DAB1: variants seen among roughly 807,000 people sequenced by gnomAD.
DAB1 encodes DAB adaptor protein 1, also known as disabled homolog 1.
Under a neutral mutation model 64.6 loss-of-function variants are expected in DAB1, and 15 were observed. That is an observed-to-expected ratio of 0.23 (90% CI 0.16 to 0.36). The LOEUF is 0.36. DAB1 is among the 10% of genes least tolerant of loss of function. The probability of loss-of-function intolerance (pLI) is 1.00; values close to 1 mark genes in which losing one functional copy is unlikely to be tolerated. For synonymous variants in DAB1, 235 were observed against 251.9 expected (o/e 0.93, Z 0.64); for missense variants, 596 against 706.7 (o/e 0.84, Z 1.78).
Position 57,949,507 on chromosome 1 carries a change from CTATA to C in DAB1, n.388-65349_388-65346del, listed in dbSNP as rs879284184. ...TCTATCTATCTATCTATCTATCTATCTATATCTGTCTGTCTGTCTGTCTGTCTAT... is the reference window on the plus strand; with the variant it reads ...TCTATCTATCTATCTATCTATCTATCTCTGTCTGTCTGTCTGTCTGTCTAT... On this transcript the variant is annotated intron_variant and non_coding_transcript_variant, in intron 5 of 20. Coordinates refer to the DAB1 transcript ENST00000485760. 3.5e-3 allele frequency among the ~76,000 whole-genome samples: 494 copies of C among 141,596 alleles called. 12 individuals are homozygous for C. The highest frequency in any genetic ancestry group is 0.033 in the Admixed American group (460 of 14,002). 92.9% of individuals were successfully genotyped at this position (141,596 alleles called of 152,430 possible). A position where few individuals can be genotyped will look rare whatever the true frequency, so the allele number is the denominator to read the frequency against.
chr1:57,379,264 A>G (rs1360288946), intron 1 of DAB1, among the ~76,000 whole-genome samples: 1 of 152,150 alleles, frequency 6.6e-6, no homozygotes, highest in Non-Finnish European at 1.5e-5. Context: ...AAACAAACAA[A>G]TACATTCTTA....
At chr1:58,356,585 C>T (rs1203371083) in intron 3 of DAB1, among the ~76,000 whole-genome samples, 1 of 152,044 alleles carries the variant, frequency 6.6e-6, no homozygotes, top group East Asian at 1.9e-4. Flanking sequence ...GAGCCCATTC[C>T]AGTCAGCAGA....
chr1:57,580,023 G>C (rs1450143294), intron 7 of DAB1, among the ~76,000 whole-genome samples: 1 of 152,092 alleles, frequency 6.6e-6, no homozygotes, highest in Non-Finnish European at 1.5e-5. Context: ...AAAGGGCAAG[G>C]CAGGGCACAC....
chr1:58,239,122 C>G (rs1001118307), intron 4 of DAB1, among the ~76,000 whole-genome samples: 1 of 152,116 alleles, frequency 6.6e-6, no homozygotes, highest in African/African-American at 2.4e-5. Flanking sequence ...TTAATAAATC[C>G]CTTTCAGCTT....
chr1:57,754,627 T>C (rs1569580857), intron 6 of DAB1, among the ~76,000 whole-genome samples: 1 of 142,382 alleles, frequency 7.0e-6, no homozygotes, highest in Non-Finnish European at 1.5e-5. Context: ...GAGGCGGAGG[T>C]TGCAGTGAGC....
intron 3 of DAB1, chr1:58,473,891 T>G (rs987899585): frequency 1.1e-6 from 1 of 869,816 alleles, no homozygotes; most frequent in African/African-American, 1.7e-5. Flanking sequence ...GACAGATTTC[T>G]GTGTTCTGGA....
intron 7 of DAB1, among the ~76,000 whole-genome samples, chr1:57,613,827 G>A (rs1169983066): frequency 6.6e-6 from 1 of 152,158 alleles, no homozygotes; most frequent in Non-Finnish European, 1.5e-5. Context: ...TGGAGTCGGA[G>A]AGACCTGGGT....
At chr1:57,106,264 C>CT (rs542920139) in intron 4 of DAB1, among the ~76,000 whole-genome samples, 42 of 151,586 alleles carry the variant, frequency 2.8e-4, no homozygotes, top group Middle Eastern at 3.4e-3. Flanking sequence ...AACACCCCCC[C>CT]CCATCAGTAT....
intron 4 of DAB1, among the ~76,000 whole-genome samples, chr1:57,098,904 G>A (rs776931485): frequency 6.6e-6 from 1 of 152,138 alleles, no homozygotes; most frequent in Admixed American, 6.5e-5. Context: ...ATTGCCTTTA[G>A]GCCAAAAATT....
intron 5 of DAB1, among the ~76,000 whole-genome samples, chr1:57,984,169 A>C (rs1335561610): frequency 6.9e-6 from 1 of 145,602 alleles, no homozygotes; most frequent in Non-Finnish European, 1.5e-5. Flanking sequence ...TTCAGGGCCC[A>C]GGACTAGCTT....
chr1:57,163,098 C>A (rs1196833728), intron 2 of DAB1, among the ~76,000 whole-genome samples: 1 of 152,176 alleles, frequency 6.6e-6, no homozygotes, highest in Non-Finnish European at 1.5e-5. Flanking sequence ...AAGCACTGGC[C>A]CAAGTCCCAG....
At chr1:57,459,532 T>C (rs892049768) in intron 7 of DAB1, among the ~76,000 whole-genome samples, 1 of 152,182 alleles carries the variant, frequency 6.6e-6, no homozygotes, top group African/African-American at 2.4e-5. Context: ...CTGAAATACA[T>C]GGGGTCTTTG....
intron 1 of DAB1, among the ~76,000 whole-genome samples, chr1:57,390,727 C>T (rs141988484): frequency 1.1e-3 from 170 of 152,248 alleles, no homozygotes; most frequent in African/African-American, 3.8e-3. Flanking sequence ...AGTTCTGACC[C>T]GTTTTCATTT....
chr1:57,278,998 C>A (rs1671686532), intron 2 of DAB1, among the ~76,000 whole-genome samples: 1 of 152,188 alleles, frequency 6.6e-6, no homozygotes, highest in Non-Finnish European at 1.5e-5. Context: ...CCTTCATCAC[C>A]AGCATCCTCG....
intron 9 of DAB1, among the ~76,000 whole-genome samples, chr1:57,057,485 C>T (rs1649888173): frequency 1.3e-5 from 2 of 152,260 alleles, no homozygotes; most frequent in Non-Finnish European, 1.5e-5. Context: ...CTCTTAAAAT[C>T]CAAAAATTTT....
At chr1:57,176,957 A>C (rs1225790394) in intron 2 of DAB1, among the ~76,000 whole-genome samples, 6 of 139,582 alleles carry the variant, frequency 4.3e-5, no homozygotes, top group Non-Finnish European at 6.0e-5. Context: ...TAAAAAAAAG[A>C]AGCAGCAGCA....
At chr1:57,643,144 G>C (rs1404506074) in intron 7 of DAB1, among the ~76,000 whole-genome samples, 1 of 152,148 alleles carries the variant, frequency 6.6e-6, no homozygotes, top group Non-Finnish European at 1.5e-5. Flanking sequence ...TCTCTGTCTG[G>C]GGGCAATATA....
intron 4 of DAB1, among the ~76,000 whole-genome samples, chr1:58,224,257 C>T (rs1315217163): frequency 6.6e-6 from 1 of 152,142 alleles, no homozygotes; most frequent in Non-Finnish European, 1.5e-5. Context: ...GTGCTAAAGA[C>T]AATTCATATT....
At chr1:57,651,082 TC>T (rs1419781336) in intron 6 of DAB1, among the ~76,000 whole-genome samples, 2 of 152,012 alleles carry the variant, frequency 1.3e-5, no homozygotes, top group African/African-American at 4.8e-5. Flanking sequence ...AAAGTGATGT[TC>T]CATTTGGATT....
Sources: allele counts gnomAD v4.1 joint callset (sites outside exome capture counted in the v4.1 genomes callset), GRCh38; gene constraint gnomAD v4.1.1; transcripts MANE v1.5; gene names NCBI Gene and HGNC (gene_info 2026-07-23, HGNC 2026-07-21).